Variants in MBD5 observed in about 807,000 individuals in gnomAD.
MBD5 encodes the protein methyl-CpG binding domain protein 5, also known as methyl-CpG-binding domain protein 5.
A neutral mutation model predicts 117.3 loss-of-function variants in MBD5; 13 were observed. That is an observed-to-expected ratio of 0.11 (90% CI 0.07 to 0.18). The LOEUF (loss-of-function observed/expected upper bound fraction) is 0.18. MBD5 is among the 10% of genes least tolerant of loss of function. The pLI is 1.00. For synonymous variants in MBD5, 727 were observed against 766.4 expected (o/e 0.95, Z 0.85); for missense variants, 1,879 against 2,093.8 (o/e 0.90, Z 2.00).
intron 1 of MBD5, among the ~76,000 whole-genome samples, chr2:148,117,328 A>G (rs1696664933): frequency 6.6e-6 from 1 of 151,912 alleles, no homozygotes; most frequent in Non-Finnish European, 1.5e-5. Flanking sequence ...TTTTCAATAA[A>G]AAAAAAAAAT....
At chr2:148,180,343 C>CACATATATATATAT (rs757856356) in intron 2 of MBD5, among the ~76,000 whole-genome samples, 2 of 105,544 alleles carry the variant, frequency 1.9e-5, no homozygotes, top group East Asian at 2.7e-4. Flanking sequence ...AAAAATTATA[C>CACATATATATATAT]ATATATATAT....
chr2:148,339,704 T>C (rs1452858787), intron 3 of MBD5, among the ~76,000 whole-genome samples: 1 of 152,062 alleles, frequency 6.6e-6, no homozygotes, highest in Admixed American at 6.6e-5. Context: ...TTTCTTTCGT[T>C]CCTACAAATG....
At chr2:148,051,216 G>T (rs908565128) in intron 1 of MBD5, among the ~76,000 whole-genome samples, 1 of 151,738 alleles carries the variant, frequency 6.6e-6, no homozygotes, top group Non-Finnish European at 1.5e-5. Flanking sequence ...TTTCATTTTT[G>T]GTTTGTTCAT....
At chr2:148,279,498 C>T (rs1415740704) in intron 3 of MBD5, among the ~76,000 whole-genome samples, 1 of 152,174 alleles carries the variant, frequency 6.6e-6, no homozygotes, top group Non-Finnish European at 1.5e-5. Context: ...GGCACAGTGC[C>T]TACTGAAACA....
rs139417296 is a variant in MBD5 at position 148,141,003 on chromosome 2, C to G, written c.-924-37697C>G. 1.7e-3 allele frequency among the ~76,000 whole-genome samples: 254 copies of G among 152,172 alleles called. 2 individuals carry two copies. Among genetic ancestry groups the G allele is most frequent in the African/African-American group, 5.8e-3 (242 of 41,520 alleles). On this transcript the variant is annotated intron_variant, in intron 1 of 13. Coordinates refer to ENST00000642680, the MANE Select transcript of MBD5 (RefSeq NM_001378120.1). ...CCCAGGCTGTTCTCGAACTCCTGGG[C>G]TCAAGCAATCCACCTGCCTCAGCCA...
rs1432696015 is a variant in MBD5 at position 148,483,982 on chromosome 2, G to A, written c.3391G>A (p.Val1131Ile). ...TTSSAVAALT[V>I]STLGGTAVVS... ...ATCATCAGCAGTGGCAGCACTGACT[G>A]TCTCAACACTTGGTGGGACAGCAGT... is the stretch of plus-strand genomic sequence containing the variant. The change falls in exon 9 of 14, where the codon GTC becomes ATC. Residue 1131 changes from valine (V) to isoleucine (I), a missense_variant. Around this residue, in one of 4 missense-constraint regions of MBD5, gnomAD observed 1,666 missense variants for 1,792.2 expected, o/e 0.93. Coordinates refer to ENST00000642680, the MANE Select transcript of MBD5 (RefSeq NM_001378120.1). The A allele has an allele frequency of 6.4e-7, 1 of 1,550,500 alleles. No individual in the cohort carries two copies. Among genetic ancestry groups the A allele is most frequent in the South Asian group, 1.2e-5 (1 of 84,054 alleles).
intron 1 of MBD5, among the ~76,000 whole-genome samples, chr2:148,124,704 G>C (rs1229996588): frequency 6.6e-6 from 1 of 152,064 alleles, no homozygotes; most frequent in East Asian, 1.9e-4. Flanking sequence ...CCTTTTACTT[G>C]CATATATGAG....
intron 2 of MBD5, among the ~76,000 whole-genome samples, chr2:148,222,605 T>C (rs530440590): frequency 2.0e-5 from 3 of 152,114 alleles, no homozygotes; most frequent in Non-Finnish European, 4.4e-5. Flanking sequence ...AGGTGGATTT[T>C]ATATCCTGCA....
intron 1 of MBD5, among the ~76,000 whole-genome samples, chr2:148,090,029 A>C (rs1365903565): frequency 1.3e-5 from 2 of 152,104 alleles, no homozygotes; most frequent in African/African-American, 2.4e-5. Context: ...ACAGATATAC[A>C]AAAGATCATT....
In MBD5 at chr2:148,489,652, A is replaced by G. The variant is rs1273991401; in HGVS notation, c.4020A>G (p.Ala1340=). Residue 1340 remains alanine, a synonymous_variant, in exon 11 of 14, where the codon GCA becomes GCG. Coordinates refer to ENST00000642680, the MANE Select transcript of MBD5 (RefSeq NM_001378120.1). ...SKGMQVVITT[A]VNSTTQISPI... is the part of the protein sequence containing the mutation. ...GAATGCAGGTTGTCATCACCACTGC[A>G]GTCAACAGTACAACTCAGATCAGCC... 4 of 1,614,222 alleles carry G rather than the reference A, an allele frequency of 2.5e-6. No homozygotes were observed. The South Asian group carries it at 4.4e-5, about 18-fold the overall frequency.
chr2:148,379,750 GGGGTATAACA>G lies in MBD5; in HGVS notation c.-557+37417_-557+37426del, dbSNP rs1167855945. On this transcript the variant is annotated intron_variant, in intron 4 of 13. Transcript: ENST00000642680. Reference sequence around the variant, plus strand: ...AAAAATTGCATGAAAGCCAGGGGAGGGGGTATAACAGGAACCATCAGTATACCTAGTAAGA... The same window carrying G: ...AAAAATTGCATGAAAGCCAGGGGAGGGGAACCATCAGTATACCTAGTAAGA... Among the ~76,000 whole-genome samples the G allele has an allele frequency of 9.2e-5, 14 of 152,008 alleles. No individual in the cohort carries two copies. In the South Asian group the frequency reaches 2.9e-3, roughly 32 times the overall value.
Position 148,326,966 on chromosome 2 carries a change from G to A in MBD5, c.-679-15248G>A, listed in dbSNP as rs963036175. 4.0e-5 allele frequency among the ~76,000 whole-genome samples: 6 copies of A among 151,462 alleles called. No individual in the cohort carries two copies. In the South Asian group the frequency reaches 6.3e-4, roughly 16 times the overall value. On this transcript the variant is annotated intron_variant, in intron 3 of 13. Transcript: ENST00000642680. ...TTACATTTTGGCATGATTTTGCAGC[G>A]GCTGGTACCGGTTGTTCCTTTCCAT...
At chr2:148,189,049 C>T (rs1421666116) in intron 2 of MBD5, among the ~76,000 whole-genome samples, 6 of 143,504 alleles carry the variant, frequency 4.2e-5, no homozygotes, top group Non-Finnish European at 6.1e-5. Context: ...CTTTTCAGAC[C>T]GGCTTAAGAA....
chr2:148,038,241 A>T (rs971634879), intron 1 of MBD5, among the ~76,000 whole-genome samples: 1 of 152,024 alleles, frequency 6.6e-6, no homozygotes, highest in Non-Finnish European at 1.5e-5. Flanking sequence ...AGGAGGAATC[A>T]CATTTTTAAA....
chr2:148,411,396 G>T (rs1424574445), intron 4 of MBD5, among the ~76,000 whole-genome samples: 2 of 151,478 alleles, frequency 1.3e-5, no homozygotes, highest in South Asian at 4.2e-4. Flanking sequence ...TGACAATTCT[G>T]TTTTATGTTC....
chr2:148,474,801 A>G (rs1034309624), intron 8 of MBD5, among the ~76,000 whole-genome samples: 4 of 152,186 alleles, frequency 2.6e-5, no homozygotes, highest in Non-Finnish European at 5.9e-5. Context: ...AGCCATTAAT[A>G]TGGTAGGTAT....
intron 3 of MBD5, among the ~76,000 whole-genome samples, chr2:148,316,237 A>T (rs1393083575): frequency 6.6e-6 from 1 of 152,154 alleles, no homozygotes; most frequent in East Asian, 1.9e-4. Flanking sequence ...CACAAATCCA[A>T]ATCACAACAC....
At chr2:148,421,269 G>A (rs1012782290) in intron 4 of MBD5, among the ~76,000 whole-genome samples, 2 of 152,210 alleles carry the variant, frequency 1.3e-5, no homozygotes, top group Non-Finnish European at 2.9e-5. Flanking sequence ...TGCAGCCCAT[G>A]GAGGGAAAGC....
chr2:148,336,294 T>G (rs12468725), intron 3 of MBD5, among the ~76,000 whole-genome samples: 42,180 of 152,090 alleles, frequency 0.28, 6,077 homozygotes, highest in African/African-American at 0.31. Context: ...ACAGATAAAT[T>G]TGAAGTTACT....
Sources: gnomAD v4.1 joint callset for allele counts (sites outside exome capture counted in the v4.1 genomes callset) on GRCh38, gnomAD v4.1.1 for gene constraint, gnomAD v4.1.1 regional missense constraint, MANE v1.5 for transcripts, NCBI Gene and HGNC (gene_info 2026-07-23, HGNC 2026-07-21) for gene names.